The following PTPRN2 variants were observed in gnomAD, a reference collection of about 807,000 sequenced individuals.
PTPRN2 encodes protein tyrosine phosphatase receptor type N2.
PTPRN2 carries 74 observed loss-of-function variants against 118.8 expected under a neutral mutation model. That is an observed-to-expected ratio of 0.62 (90% CI 0.52 to 0.76). The LOEUF is 0.76. Ranked by LOEUF, PTPRN2 falls within the 30% of genes least tolerant of loss-of-function variation. The probability of loss-of-function intolerance (pLI) is 0.00; values close to 1 mark genes in which losing one functional copy is unlikely to be tolerated. For missense variants in PTPRN2, 1,481 were observed against 1,394.4 expected (o/e 1.06, Z -0.99); for synonymous variants, 641 against 608.0 (o/e 1.05, Z -0.80).
intron 3 of PTPRN2, among the ~76,000 whole-genome samples, chr7:158,226,034 T>C (rs559217630): frequency 2.0e-5 from 3 of 152,246 alleles, no homozygotes; most frequent in South Asian, 4.2e-4. Context: ...TCCAACTGTG[T>C]CCCAGAAGGA....
chr7:158,227,912 G>A (rs1435559975), intron 3 of PTPRN2, among the ~76,000 whole-genome samples: 3 of 151,168 alleles, frequency 2.0e-5, no homozygotes, highest in East Asian at 3.9e-4. Flanking sequence ...GCCTGGTCAG[G>A]GCCAGCACAG....
chr7:157,682,031 T>C (rs1301995207), intron 13 of PTPRN2, among the ~76,000 whole-genome samples: 3 of 152,254 alleles, frequency 2.0e-5, no homozygotes, highest in African/African-American at 7.2e-5. Context: ...CTTATGCTGC[T>C]GTTAAAACCG....
At chr7:158,054,095 C>CT (rs1809594939) in intron 11 of PTPRN2, among the ~76,000 whole-genome samples, 7 of 150,286 alleles carry the variant, frequency 4.7e-5, no homozygotes, top group Non-Finnish European at 7.4e-5. Context: ...GCAGAGACTC[C>CT]AGAGACGGAG....
At chr7:157,941,116 C>A (rs113565260) in intron 11 of PTPRN2, among the ~76,000 whole-genome samples, 3,213 of 47,092 alleles carry the variant, frequency 0.068, 620 homozygotes, top group African/African-American at 0.22. Flanking sequence ...TAACACCCTC[C>A]CCCGTGACAC....
intron 11 of PTPRN2, among the ~76,000 whole-genome samples, chr7:158,002,984 TC>T (rs1198521686): frequency 6.6e-6 from 1 of 152,078 alleles, no homozygotes; most frequent in East Asian, 1.9e-4. Context: ...GCCGCTTGGA[TC>T]CAGGGGAGGA....
At chr7:157,680,347 G>A (rs1270722206) in intron 13 of PTPRN2, among the ~76,000 whole-genome samples, 1 of 150,390 alleles carries the variant, frequency 6.6e-6, no homozygotes, top group Non-Finnish European at 1.5e-5. Context: ...CACCTTTCCT[G>A]AAATTTGTTT....
intron 12 of PTPRN2, among the ~76,000 whole-genome samples, chr7:157,815,334 C>T (rs543288865): frequency 2.6e-5 from 4 of 152,254 alleles, no homozygotes; most frequent in African/African-American, 9.6e-5. Context: ...GCCTCTTCCT[C>T]GGTCCTTTGC....
At chr7:158,075,655 G>A (rs1016586714) in intron 11 of PTPRN2, among the ~76,000 whole-genome samples, 5 of 152,202 alleles carry the variant, frequency 3.3e-5, no homozygotes, top group African/African-American at 9.6e-5. Context: ...ACTCCTCATC[G>A]TCTGTGTCTG....
At chr7:157,814,113 G>C (rs1347007405) in intron 12 of PTPRN2, among the ~76,000 whole-genome samples, 2 of 152,216 alleles carry the variant, frequency 1.3e-5, no homozygotes, top group Admixed American at 6.5e-5. Flanking sequence ...GGAGCCCCTG[G>C]GGGACACGGC....
chr7:157,839,473 G>A (rs991059506), intron 12 of PTPRN2, among the ~76,000 whole-genome samples: 10 of 151,668 alleles, frequency 6.6e-5, no homozygotes, highest in Non-Finnish European at 1.5e-5. Context: ...CTGTGTGGGA[G>A]TGTATGTGAA....
Position 157,550,058 on chromosome 7 carries a change from G to A in PTPRN2, c.2903-1039C>T, listed in dbSNP as rs747335241. On this transcript the variant is annotated intron_variant, in intron 21 of 22. Coordinates refer to ENST00000389418, the MANE Select transcript of PTPRN2 (RefSeq NM_002847.5). This position sits in a 1 kb window ranked among gnomAD's most constrained non-coding sequence, Gnocchi z 5.2. ...GCAGGACAGCGCTGGCCGAAGACCT[G>A]AGGAGGCCCGGGTGGCCCAGAGTCA... 3.4e-4 allele frequency among the ~76,000 whole-genome samples: 52 copies of A among 152,262 alleles called. No homozygotes were observed. The highest frequency in any genetic ancestry group is 6.0e-4 in the Non-Finnish European group (41 of 68,048).
chr7:157,922,582 T>C (rs975364880), intron 11 of PTPRN2, among the ~76,000 whole-genome samples: 14 of 103,156 alleles, frequency 1.4e-4, no homozygotes, highest in Non-Finnish European at 2.6e-4. Context: ...TTCTCTTTAG[T>C]TGGACACAAA....
At chr7:158,037,677 C>T (rs985990850) in intron 11 of PTPRN2, among the ~76,000 whole-genome samples, 1 of 152,202 alleles carries the variant, frequency 6.6e-6, no homozygotes, top group Non-Finnish European at 1.5e-5. Flanking sequence ...AATGACTGTA[C>T]TTTTGTACAG....
rs563792204 is a variant in PTPRN2 at position 157,779,633 on chromosome 7, C to T, written c.1789-96696G>A. On this transcript the variant is annotated intron_variant, in intron 12 of 22. Transcript: ENST00000389418. The surrounding 1 kb of genome is among the most constrained non-coding windows in gnomAD (Gnocchi z 4.7). ...CTTCTCACCCTGCTGCAGGAGTCTCCGAAGCACAAAGGCTGACCCTAGACT... is the reference window on the plus strand; with the variant it reads ...CTTCTCACCCTGCTGCAGGAGTCTCTGAAGCACAAAGGCTGACCCTAGACT... Among the ~76,000 whole-genome samples, 2 of 152,276 alleles carry T rather than the reference C, an allele frequency of 1.3e-5. No homozygotes were observed. The highest frequency in any genetic ancestry group is 2.1e-4 in the South Asian group (1 of 4,816).
rs376398602 is a variant in PTPRN2 at position 158,508,929 on chromosome 7, T to C, written c.113-19144A>G. ...CTCGGAGCAGGTGCGGAAGTGGCTCTGCTCCTGTGGGTGTCAGGGCAACGT... is the reference window on the plus strand; with the variant it reads ...CTCGGAGCAGGTGCGGAAGTGGCTCCGCTCCTGTGGGTGTCAGGGCAACGT... On this transcript the variant is annotated intron_variant, in intron 1 of 22. Coordinates refer to ENST00000389418, the MANE Select transcript of PTPRN2 (RefSeq NM_002847.5). Among the ~76,000 whole-genome samples the C allele has an allele frequency of 5.4e-3, 720 of 132,970 alleles. 51 individuals carry two copies. Among genetic ancestry groups the C allele is most frequent in the African/African-American group, 0.019 (615 of 32,346 alleles). The allele number at this position is 132,970 out of a possible 152,430, so 87.2% of individuals were successfully genotyped here.
At position 158,449,168 on chromosome 7, in the gene PTPRN2, AC is replaced by A. The variant is rs140629957; in HGVS notation, c.163+40566del. Among the ~76,000 whole-genome samples the A allele has an allele frequency of 1.4e-3, 220 of 152,220 alleles. 2 individuals carry two copies. The highest frequency in any genetic ancestry group is 5.2e-3 in the African/African-American group (215 of 41,548). On this transcript the variant is annotated intron_variant, in intron 2 of 22. Transcript: ENST00000389418. ...CCCAGTGAACACTGAAAACAATCAAACGTCAAAGTCCGTTTTCTCCCAGGTC... is the reference window on the plus strand; with the variant it reads ...CCCAGTGAACACTGAAAACAATCAAAGTCAAAGTCCGTTTTCTCCCAGGTC...
intron 11 of PTPRN2, among the ~76,000 whole-genome samples, chr7:158,044,110 G>T (rs566466609): frequency 6.6e-6 from 1 of 152,184 alleles, no homozygotes; most frequent in South Asian, 2.1e-4. Flanking sequence ...ACCCTGCAGG[G>T]TGTTTCAGAT....
chr7:158,157,437 A>G (rs1821923638), intron 6 of PTPRN2, among the ~76,000 whole-genome samples: 1 of 152,262 alleles, frequency 6.6e-6, no homozygotes, highest in African/African-American at 2.4e-5. Flanking sequence ...GACATCAGCC[A>G]AACACCGGGG....
At chr7:157,652,639 C>A (rs1805741297) in intron 14 of PTPRN2, among the ~76,000 whole-genome samples, 1 of 152,182 alleles carries the variant, frequency 6.6e-6, no homozygotes, top group Admixed American at 6.5e-5. Flanking sequence ...TCTTGTTCCA[C>A]CTGCTGGGAC....
Sources: gnomAD v4.1 joint callset for allele counts (sites outside exome capture counted in the v4.1 genomes callset) on GRCh38, gnomAD v4.1.1 for gene constraint, Gnocchi (gnomAD v3.1) non-coding constraint, MANE v1.5 for transcripts, NCBI Gene and HGNC (gene_info 2026-07-23, HGNC 2026-07-21) for gene names.